Variants in DIS3L2 observed in about 807,000 individuals in gnomAD.
DIS3L2 encodes the protein DIS3 like 3'-5' exoribonuclease 2.
In DIS3L2, 34 loss-of-function variants were observed where a neutral mutation model predicts 97.5. The observed-to-expected ratio is 0.35, with a 90% confidence interval of 0.27 to 0.46. The LOEUF (loss-of-function observed/expected upper bound fraction) is 0.46, where lower values mean the gene tolerates loss of function less well. Among genes scored for constraint, DIS3L2 ranks in the 20% least tolerant of loss-of-function variants. DIS3L2 has a pLI of 1.00. For synonymous variants in DIS3L2, 435 were observed against 445.2 expected (o/e 0.98, Z 0.29); for missense variants, 1,038 against 1,146.0 (o/e 0.91, Z 1.36).
chr2:232,166,463 C>T (rs1559695755), intron 9 of DIS3L2, among the ~76,000 whole-genome samples: 1 of 152,184 alleles, frequency 6.6e-6, no homozygotes, highest in Non-Finnish European at 1.5e-5. Flanking sequence ...CGTGGCTCAA[C>T]GCCTGTAATC....
chr2:232,204,594 G>T (rs950757741), intron 9 of DIS3L2, among the ~76,000 whole-genome samples: 1 of 152,118 alleles, frequency 6.6e-6, no homozygotes, highest in Non-Finnish European at 1.5e-5. Context: ...GCGGGTCAGG[G>T]TTAACTTCTT....
chr2:232,272,090 T>A (rs886519003), intron 13 of DIS3L2, among the ~76,000 whole-genome samples: 1 of 152,248 alleles, frequency 6.6e-6, no homozygotes, highest in Non-Finnish European at 1.5e-5. Context: ...CTCATTATTA[T>A]AACCCTGAAC....
intron 10 of DIS3L2, among the ~76,000 whole-genome samples, chr2:232,229,598 A>G (rs1359218040): frequency 1.3e-5 from 2 of 152,240 alleles, no homozygotes; most frequent in Non-Finnish European, 2.9e-5. Context: ...GAAGAAGGCC[A>G]TTGCTCAAGT....
At chr2:232,014,623 A>C (rs1431398154) in intron 1 of DIS3L2, among the ~76,000 whole-genome samples, 1 of 152,194 alleles carries the variant, frequency 6.6e-6, no homozygotes, top group Non-Finnish European at 1.5e-5. Flanking sequence ...GAAGTGGCCC[A>C]AAGAAGCAGT....
downstream of DIS3L2, among the ~76,000 whole-genome samples, chr2:232,340,131 C>T (rs1009466724): frequency 1.3e-5 from 2 of 152,198 alleles, no homozygotes; most frequent in African/African-American, 4.8e-5. Flanking sequence ...TCCAAGTCCA[C>T]AAAGAGGCAA....
At chr2:232,193,689 A>G (rs1384517909) in intron 9 of DIS3L2, among the ~76,000 whole-genome samples, 3 of 152,220 alleles carry the variant, frequency 2.0e-5, no homozygotes, top group Non-Finnish European at 4.4e-5. Flanking sequence ...AGAAACCCCA[A>G]AATTCTCTAG....
At chr2:231,975,351 T>G in intron 1 of DIS3L2, among the ~76,000 whole-genome samples, 2 of 151,994 alleles carry the variant, frequency 1.3e-5, no homozygotes, top group Non-Finnish European at 2.9e-5. Context: ...TCTTTGAGGC[T>G]AAGAATCCAG....
At chr2:232,107,210 G>A (rs1697380385) in intron 6 of DIS3L2, among the ~76,000 whole-genome samples, 1 of 152,108 alleles carries the variant, frequency 6.6e-6, no homozygotes, top group South Asian at 2.1e-4. Flanking sequence ...AGAACGAAGA[G>A]CAGACAAACC....
At chr2:232,033,543 T>C (rs1694868405) in intron 5 of DIS3L2, among the ~76,000 whole-genome samples, 1 of 152,208 alleles carries the variant, frequency 6.6e-6, no homozygotes. Flanking sequence ...ATCCTTGTCT[T>C]GTGCCGGTTT....
downstream of DIS3L2, among the ~76,000 whole-genome samples, chr2:232,337,508 T>G (rs575144217): frequency 6.6e-6 from 1 of 151,928 alleles, no homozygotes; most frequent in East Asian, 2.0e-4. Flanking sequence ...TGACACAGCC[T>G]GGGTGACACG....
At chr2:232,315,748 C>T (rs1347122396) in intron 14 of DIS3L2, among the ~76,000 whole-genome samples, 1 of 152,148 alleles carries the variant, frequency 6.6e-6, no homozygotes, top group South Asian at 2.1e-4. Context: ...GAAAAGATTT[C>T]GTAGAGTGAC....
In DIS3L2 at chr2:232,035,405, A is replaced by T. The variant is rs1694923762; in HGVS notation, c.366+5325A>T. Among the ~76,000 whole-genome samples the T allele has an allele frequency of 2.6e-5, 4 of 152,118 alleles. 1 individual carries two copies. The South Asian group carries it at 8.3e-4, about 32-fold the overall frequency. On this transcript the variant is annotated intron_variant, in intron 5 of 20. Coordinates refer to ENST00000325385, the MANE Select transcript of DIS3L2 (RefSeq NM_152383.5). ...GCCTATGTGTGTCTCTGCACGTGAG[A>T]TGGCTCTCCTAAATACAGTACACTG...
At chr2:232,329,785 T>TGCCCGGGGGGCCCCCCCC in intron 14 of DIS3L2, 28 bp from the exon 15 acceptor site, 1 of 967,138 alleles carries the variant, frequency 1.0e-6, no homozygotes, top group Non-Finnish European at 1.5e-6. Context: ...ACCCCAGCGG[T>TGCCCGGGGGGCCCCCCCC]CCCTCCCATC....
At chr2:232,305,338 A>G (rs914159933) in intron 14 of DIS3L2, among the ~76,000 whole-genome samples, 1 of 152,116 alleles carries the variant, frequency 6.6e-6, no homozygotes, top group Non-Finnish European at 1.5e-5. Context: ...TCAGCCTCCC[A>G]AAGTGCTGGG....
chr2:232,086,343 A>ATGTG (rs1696595376), intron 5 of DIS3L2, among the ~76,000 whole-genome samples: 1 of 130,268 alleles, frequency 7.7e-6, no homozygotes, highest in Non-Finnish European at 1.6e-5. Context: ...GTATATATAC[A>ATGTG]TATATGTATA....
intron 3 of DIS3L2, among the ~76,000 whole-genome samples, chr2:232,022,305 G>A (rs1694541790): frequency 3.9e-5 from 6 of 152,112 alleles, no homozygotes; most frequent in Admixed American, 2.0e-4. Flanking sequence ...GTGGAACCAG[G>A]TTTCTATTCT....
At chr2:232,106,052 A>G (rs1697350018) in intron 6 of DIS3L2, among the ~76,000 whole-genome samples, 1 of 152,080 alleles carries the variant, frequency 6.6e-6, no homozygotes, top group Non-Finnish European at 1.5e-5. Context: ...TTCCTTTTCC[A>G]TGCTCTCTAG....
chr2:232,328,683 G>A (rs149818186), intron 14 of DIS3L2: 5 of 152,438 alleles, frequency 3.3e-5, no homozygotes, highest in African/African-American at 1.2e-4. Flanking sequence ...GAAGGCTGGG[G>A]AAAGGCAGGG....
intron 5 of DIS3L2, among the ~76,000 whole-genome samples, chr2:232,081,018 T>C (rs1228609497): frequency 2.6e-5 from 4 of 152,234 alleles, no homozygotes; most frequent in Non-Finnish European, 5.9e-5. Context: ...TACCCTTTTT[T>C]CTTGCAATTT....
Sources: gnomAD v4.1 joint callset for allele counts (sites outside exome capture counted in the v4.1 genomes callset) on GRCh38, gnomAD v4.1.1 for gene constraint, MANE v1.5 for transcripts, NCBI Gene and HGNC (gene_info 2026-07-23, HGNC 2026-07-21) for gene names.